CCT7: variants seen among roughly 807,000 people sequenced by gnomAD.
CCT7 encodes the protein T-complex protein 1 subunit eta.
Under a neutral mutation model 56.6 loss-of-function variants are expected in CCT7, and 16 were observed. The observed-to-expected ratio is 0.28, with a 90% CI of 0.19 to 0.43. CCT7 has a LOEUF of 0.43. CCT7 is among the 20% of genes least tolerant of loss of function. CCT7 has a pLI of 1.00. For synonymous variants in CCT7, 262 were observed against 254.8 expected, an observed-to-expected ratio of 1.03 and a Z score of -0.27; for missense variants, 519 against 685.6, an observed-to-expected ratio of 0.76 and a Z score of 2.71.
chr2:73,251,200 AT>A (rs1271549036), intron 10 of CCT7, 25 bp from the exon 11 acceptor site: 1 of 1,609,356 alleles, frequency 6.2e-7, no homozygotes, highest in East Asian at 2.2e-5. Context: ...GCCCTCTTAC[AT>A]TGAGAGGTGG....
Position 73,251,444 on chromosome 2 carries a change from CT to C in CCT7, c.1410+13del. 1 of 1,547,942 alleles carries C rather than the reference CT, an allele frequency of 6.5e-7. No homozygotes were observed. The highest frequency in any genetic ancestry group is 8.9e-7 in the Non-Finnish European group (1 of 1,125,974). On this transcript the variant is annotated intron_variant, in intron 11 of 11. Coordinates refer to ENST00000258091, the MANE Select transcript of CCT7 (RefSeq NM_006429.4). ...CTCGGCATGCCCAGGTGGGTCCTTTCTCTCCCCAGGGTTCAGGGTTTGGGCG... is the reference window on the plus strand; with the variant it reads ...CTCGGCATGCCCAGGTGGGTCCTTTCCTCCCCAGGGTTCAGGGTTTGGGCG...
At chr2:73,243,946 C>T (rs1223383339) in intron 4 of CCT7, 51 bp from the exon 5 acceptor site, 5 of 1,556,640 alleles carry the variant, frequency 3.2e-6, no homozygotes, top group Non-Finnish European at 4.4e-6. Flanking sequence ...AGGTCCACTT[C>T]AGCAGTTTGT....
At chr2:73,245,876 C>CA (rs1208686333) in intron 6 of CCT7, among the ~76,000 whole-genome samples, 2 of 152,210 alleles carry the variant, frequency 1.3e-5, no homozygotes, top group African/African-American at 4.8e-5. Flanking sequence ...CTATCTTCAT[C>CA]ATGGCTTGCT....
At chr2:73,250,177 G>A in intron 9 of CCT7, 129 bp from the exon 10 acceptor site, 1 of 1,128,348 alleles carries the variant, frequency 8.9e-7, no homozygotes, top group Admixed American at 2.0e-5. Flanking sequence ...CTATAAGGTT[G>A]GGATTGGGTA....
chr2:73,249,367 A>C (rs2103803638), intron 8 of CCT7, among the ~76,000 whole-genome samples, 188 bp downstream of exon 8: 1 of 152,060 alleles, frequency 6.6e-6, no homozygotes, highest in Non-Finnish European at 1.5e-5. Flanking sequence ...AAACTACTTT[A>C]GTCTAACCAA....
intron 3 of CCT7, among the ~76,000 whole-genome samples, chr2:73,241,422 T>A (rs2103775406): frequency 1.3e-5 from 2 of 152,236 alleles, no homozygotes; most frequent in East Asian, 3.9e-4. Flanking sequence ...CCTTGAGAAT[T>A]TCTTACCTTA....
At chr2:73,240,963 G>A (rs1336549849) in intron 3 of CCT7, among the ~76,000 whole-genome samples, 3 of 149,502 alleles carry the variant, frequency 2.0e-5, no homozygotes, top group African/African-American at 4.9e-5. Context: ...CTTGAACTCC[G>A]GGGCTCAAGC....
Position 73,249,306 on chromosome 2 carries a change from CTT to C in CCT7, c.972+134_972+135del, listed in dbSNP as rs1223149842. On this transcript the variant is annotated intron_variant, in intron 8 of 11. Coordinates refer to ENST00000258091, the MANE Select transcript of CCT7 (RefSeq NM_006429.4). Reference sequence around the variant, plus strand: ...TGAGCCCTGTTTTTTTTTTTTAACTCTTTTTTTTCCAGGACACATTCCATTTC... The same window carrying C: ...TGAGCCCTGTTTTTTTTTTTTAACTCTTTTTTCCAGGACACATTCCATTTC... The C allele has an allele frequency of 8.8e-6, 6 of 680,688 alleles. No individual in the cohort carries two copies. In the East Asian group the frequency reaches 1.7e-4, roughly 20 times the overall value. The allele number at this position is 680,688 out of a possible 1,614,324, so 42.2% of individuals were successfully genotyped here.
At position 73,252,890 on chromosome 2, in the gene CCT7, T is replaced by C; in HGVS notation, c.*29T>C. On this transcript the variant is annotated 3_prime_UTR_variant, in exon 12 of 12. Transcript: ENST00000258091. The stretch of plus-strand genomic sequence containing the variant: ...GCACCCCACCCATCACATGGCTGGC[T>C]GGCTGCTGGGTGCACTTACCCTCCT... 6.4e-7 allele frequency: 1 copy of C among 1,570,428 alleles called. No individual in the cohort carries two copies. Among genetic ancestry groups the C allele is most frequent in the Non-Finnish European group, 8.7e-7 (1 of 1,143,708 alleles).
At chr2:73,240,308 G>A (rs1687050786) in intron 2 of CCT7, 129 bp from the exon 3 acceptor site, 1 of 535,562 alleles carries the variant, frequency 1.9e-6, no homozygotes, top group East Asian at 3.1e-5. Context: ...GATCAGATAG[G>A]TATCCTTTCC....
intron 8 of CCT7, 85 bp downstream of exon 8, chr2:73,249,264 C>A: frequency 3.7e-6 from 4 of 1,069,434 alleles, no homozygotes; most frequent in Non-Finnish European, 5.3e-6. Flanking sequence ...AGTGTACTGT[C>A]AGGTTGGCGT....
chr2:73,251,077 A>T, intron 10 of CCT7, 149 bp from the exon 11 acceptor site: 2 of 676,692 alleles, frequency 3.0e-6, no homozygotes, highest in Non-Finnish European at 5.2e-6. Flanking sequence ...GATGTTCTAG[A>T]TAGGGGCTGT....
chr2:73,241,951 G>T (rs992175708), intron 3 of CCT7, among the ~76,000 whole-genome samples: 2 of 151,926 alleles, frequency 1.3e-5, no homozygotes, highest in African/African-American at 4.8e-5. Flanking sequence ...ATGTTGGCCA[G>T]GCTGGTCTCG....
intron 8 of CCT7, 138 bp from the exon 9 acceptor site, chr2:73,249,681 G>T (rs1036196252): frequency 3.0e-6 from 2 of 664,726 alleles, no homozygotes; most frequent in East Asian, 2.5e-5. Flanking sequence ...GGGAAGGGTC[G>T]CCTGGAAGTC....
chr2:73,248,906 G>A, intron 7 of CCT7, 85 bp from the exon 8 acceptor site: 2 of 1,043,276 alleles, frequency 1.9e-6, no homozygotes, highest in Non-Finnish European at 1.4e-6. Flanking sequence ...GTTTTATTTG[G>A]TGGGGGCAGA....
chr2:73,237,279 G>A lies in CCT7; in HGVS notation c.7-2364G>A, dbSNP rs116352225. Among the ~76,000 whole-genome samples the A allele has an allele frequency of 6.4e-3, 975 of 152,336 alleles. 8 individuals are homozygous for A. Among genetic ancestry groups the A allele is most frequent in the African/African-American group, 0.021 (877 of 41,584 alleles). On this transcript the variant is annotated intron_variant, in intron 1 of 11. Coordinates refer to ENST00000258091, the MANE Select transcript of CCT7 (RefSeq NM_006429.4). ...TGGTGAGAAAGTGGTTTTGGTAGAAGATGGCAGAGTGACTATTTTAGATGG... is the reference window on the plus strand; with the variant it reads ...TGGTGAGAAAGTGGTTTTGGTAGAAAATGGCAGAGTGACTATTTTAGATGG...
rs1255755272 is a variant in CCT7 at position 73,250,333 on chromosome 2, G to A, written c.1098G>A (p.Lys366=). 2.5e-6 allele frequency: 4 copies of A among 1,614,034 alleles called. No homozygotes were observed. Among genetic ancestry groups the A allele is most frequent in the Non-Finnish European group, 8.5e-7 (1 of 1,180,028 alleles). Residue 366 remains lysine, a synonymous_variant, in exon 10 of 12, where the codon AAG becomes AAA. Transcript: ENST00000258091. ...ACAATTTTTTTACTGGCTGCCCCAA[G>A]GCCAAGACATGCACCTTCATTCTCC... ...ERYNFFTGCP[K]AKTCTFILRG...
At chr2:73,250,487 C>G in intron 10 of CCT7, 49 bp downstream of exon 10, 1 of 1,604,142 alleles carries the variant, frequency 6.2e-7, no homozygotes. Context: ...TCTCCTATCT[C>G]CCTAGCTGAT....
intron 1 of CCT7, chr2:73,239,420 C>A (rs1574353608): frequency 2.0e-6 from 1 of 508,458 alleles, no homozygotes; most frequent in South Asian, 2.4e-5. Flanking sequence ...CTTCTCAAAC[C>A]ATTTTCCTGT....
Sources: gnomAD v4.1 joint callset for allele counts (sites outside exome capture counted in the v4.1 genomes callset) on GRCh38, gnomAD v4.1.1 for gene constraint, MANE v1.5 for transcripts, NCBI Gene and HGNC (gene_info 2026-07-23, HGNC 2026-07-21) for gene names.